IMMP2L: variants seen among roughly 807,000 people sequenced by gnomAD.
IMMP2L encodes inner mitochondrial membrane peptidase subunit 2, also known as mitochondrial inner membrane protease subunit 2.
Under a neutral mutation model 19.3 loss-of-function variants are expected in IMMP2L, and 18 were observed. That is an observed-to-expected ratio of 0.93 (90% CI 0.64 to 1.38). IMMP2L has a LOEUF of 1.38. IMMP2L is among the 40% of genes most tolerant of loss of function. The pLI, the probability that IMMP2L is intolerant of heterozygous loss-of-function variation, is 0.00. For synonymous variants in IMMP2L, 76 were observed against 73.0 expected (o/e 1.04, Z -0.21); for missense variants, 233 against 218.2 (o/e 1.07, Z -0.43).
At chr7:110,985,087 C>T (rs1340787203) in intron 3 of IMMP2L, among the ~76,000 whole-genome samples, 1 of 151,858 alleles carries the variant, frequency 6.6e-6, no homozygotes, top group Non-Finnish European at 1.5e-5. Context: ...AGAGGGAGAC[C>T]ATGAACTACA....
chr7:110,681,594 A>T (rs1364067538), intron 5 of IMMP2L, among the ~76,000 whole-genome samples: 1 of 152,180 alleles, frequency 6.6e-6, no homozygotes, highest in Non-Finnish European at 1.5e-5. Flanking sequence ...TGAAAAATAA[A>T]GAAATGTGGT....
rs1346920881 is a variant in IMMP2L at position 111,281,172 on chromosome 7, AAG to A, written c.239+206064_239+206065del. 1.9e-3 allele frequency among the ~76,000 whole-genome samples: 75 copies of A among 40,022 alleles called. 1 individual carries two copies. Among genetic ancestry groups the A allele is most frequent in the African/African-American group, 3.8e-3 (41 of 10,744 alleles). 26.3% of individuals were successfully genotyped at this position (40,022 alleles called of 152,430 possible). A position where few individuals can be genotyped will look rare whatever the true frequency, so the allele number is the denominator to read the frequency against. Reference sequence around the variant, plus strand: ...ACAGAAAGACAGAAAGAAAGAAAGAAAGAAAGAAAGAAAGAAAGAAAGAAAGA... The same window carrying A: ...ACAGAAAGACAGAAAGAAAGAAAGAAAAAGAAAGAAAGAAAGAAAGAAAGA... On this transcript the variant is annotated intron_variant, in intron 3 of 5. Coordinates refer to ENST00000405709, the MANE Select transcript of IMMP2L (RefSeq NM_032549.4).
intron 3 of IMMP2L, chr7:111,392,898 C>T (rs569655099): frequency 2.2e-6 from 1 of 453,918 alleles, no homozygotes; most frequent in East Asian, 7.0e-5. Flanking sequence ...AGCTTTTGTC[C>T]CCATGGAGCT....
intron 3 of IMMP2L, among the ~76,000 whole-genome samples, chr7:111,167,558 C>T (rs1158267513): frequency 1.3e-5 from 2 of 151,810 alleles, no homozygotes; most frequent in Admixed American, 6.6e-5. Flanking sequence ...ATCATATTAC[C>T]CCAAACTCCA....
At chr7:110,960,839 T>G (rs1228950022) in intron 4 of IMMP2L, among the ~76,000 whole-genome samples, 1 of 151,952 alleles carries the variant, frequency 6.6e-6, no homozygotes, top group South Asian at 2.1e-4. Flanking sequence ...TCTTATAACT[T>G]AAAATATAAA....
chr7:111,529,598 G>C (rs1847204503), intron 1 of IMMP2L, among the ~76,000 whole-genome samples: 1 of 151,978 alleles, frequency 6.6e-6, no homozygotes, highest in Non-Finnish European at 1.5e-5. Flanking sequence ...GAAAGAAAGA[G>C]GAAAACCAGC....
intron 4 of IMMP2L, among the ~76,000 whole-genome samples, chr7:110,903,856 G>A (rs1411869634): frequency 6.6e-6 from 1 of 151,884 alleles, no homozygotes; most frequent in African/African-American, 2.4e-5. Flanking sequence ...GTGTTCAAGG[G>A]TTCCAATTTC....
chr7:110,680,261 A>G (rs1212604567), intron 5 of IMMP2L, among the ~76,000 whole-genome samples: 1 of 152,144 alleles, frequency 6.6e-6, no homozygotes, highest in Non-Finnish European at 1.5e-5. Context: ...TGTTTTTCAT[A>G]TATAAGATCT....
At chr7:111,325,515 G>A (rs2130574240) in intron 3 of IMMP2L, among the ~76,000 whole-genome samples, 1 of 151,634 alleles carries the variant, frequency 6.6e-6, no homozygotes, top group East Asian at 1.9e-4. Flanking sequence ...TGTATATTAA[G>A]ATCATCATGT....
At chr7:110,667,809 T>A (rs73207026) in intron 5 of IMMP2L, among the ~76,000 whole-genome samples, 4,001 of 152,300 alleles carry the variant, frequency 0.026, 69 homozygotes, top group Middle Eastern at 0.092. Context: ...GATACATTTA[T>A]GGGAATTTAT....
chr7:111,287,197 G>A (rs1820583094), intron 3 of IMMP2L, among the ~76,000 whole-genome samples: 1 of 152,090 alleles, frequency 6.6e-6, no homozygotes, highest in Admixed American at 6.6e-5. Context: ...ACCAGCATAA[G>A]AAACAACCTT....
At chr7:111,259,610 C>G (rs1478111212) in intron 3 of IMMP2L, among the ~76,000 whole-genome samples, 1 of 151,582 alleles carries the variant, frequency 6.6e-6, no homozygotes, top group Admixed American at 6.6e-5. Context: ...TACACTGCAG[C>G]CTGGGAGGCA....
At chr7:111,343,194 T>C (rs1282248831) in intron 3 of IMMP2L, among the ~76,000 whole-genome samples, 2 of 152,154 alleles carry the variant, frequency 1.3e-5, no homozygotes, top group Non-Finnish European at 2.9e-5. Context: ...TAAATGTTAA[T>C]TGTATCAAGT....
intron 3 of IMMP2L, among the ~76,000 whole-genome samples, chr7:111,164,389 C>A (rs1448153257): frequency 6.6e-6 from 1 of 151,812 alleles, no homozygotes; most frequent in Non-Finnish European, 1.5e-5. Context: ...TGGATGGGAC[C>A]CATTCACAGG....
intron 3 of IMMP2L, among the ~76,000 whole-genome samples, chr7:111,414,003 TC>T (rs1563161940): frequency 6.6e-6 from 1 of 151,762 alleles, no homozygotes; most frequent in East Asian, 1.9e-4. Flanking sequence ...TCCACTAGCA[TC>T]CCAAGTGGTT....
intron 3 of IMMP2L, among the ~76,000 whole-genome samples, chr7:111,415,084 G>A (rs1212714028): frequency 6.6e-6 from 1 of 151,864 alleles, no homozygotes. Context: ...ATGATTCTGG[G>A]AGTCCTTAAA....
chr7:111,147,667 T>C (rs1306585482), intron 3 of IMMP2L, among the ~76,000 whole-genome samples: 1 of 152,124 alleles, frequency 6.6e-6, no homozygotes, highest in East Asian at 1.9e-4. Flanking sequence ...AGCACATTAG[T>C]GGCTCTAGCC....
intron 3 of IMMP2L, among the ~76,000 whole-genome samples, chr7:111,046,632 A>C (rs2129571915): frequency 6.6e-6 from 1 of 152,330 alleles, no homozygotes; most frequent in African/African-American, 2.4e-5. Flanking sequence ...TGAGGGAATT[A>C]GAACTCTATA....
At chr7:111,107,186 C>T (rs1442250472) in intron 3 of IMMP2L, among the ~76,000 whole-genome samples, 1 of 150,202 alleles carries the variant, frequency 6.7e-6, no homozygotes. Flanking sequence ...CCTCTCTCTC[C>T]TTCCCTCCCT....
Sources: gnomAD v4.1 joint callset for allele counts (sites outside exome capture counted in the v4.1 genomes callset) on GRCh38, gnomAD v4.1.1 for gene constraint, MANE v1.5 for transcripts, NCBI Gene and HGNC (gene_info 2026-07-23, HGNC 2026-07-21) for gene names.